The following DYM variants were observed in gnomAD, a reference collection of about 807,000 sequenced individuals.
DYM encodes dymeclin.
A neutral mutation model predicts 93.1 loss-of-function variants in DYM; 78 were observed. The ratio of observed to expected loss-of-function variants is 0.84; its 90% confidence interval spans 0.70 to 1.01. DYM has a LOEUF of 1.01. Ranked by LOEUF, DYM falls within the 50% of genes least tolerant of loss-of-function variation. DYM has a pLI of 0.00. For synonymous variants in DYM, 321 were observed against 319.7 expected (o/e 1.00, Z -0.04); for missense variants, 789 against 845.0 (o/e 0.93, Z 0.82).
At chr18:49,282,778 C>T (rs2095022673) in intron 9 of DYM, among the ~76,000 whole-genome samples, 1 of 152,132 alleles carries the variant, frequency 6.6e-6, no homozygotes, top group Non-Finnish European at 1.5e-5. Flanking sequence ...ATCAATACAA[C>T]TTAACCAGGA....
intron 15 of DYM, among the ~76,000 whole-genome samples, chr18:49,134,239 A>G (rs1487858790): frequency 6.6e-6 from 1 of 152,252 alleles, no homozygotes; most frequent in African/African-American, 2.4e-5. Context: ...ATTAGCCCCA[A>G]TGATCCAACT....
intron 13 of DYM, among the ~76,000 whole-genome samples, chr18:49,219,242 T>G (rs11661586): frequency 0.086 from 13,121 of 151,886 alleles, 712 homozygotes; most frequent in African/African-American, 0.16. Flanking sequence ...AATAACAGGA[T>G]CTGAAATTGT....
At chr18:49,194,058 G>C (rs1361425623) in intron 14 of DYM, among the ~76,000 whole-genome samples, 2 of 152,196 alleles carry the variant, frequency 1.3e-5, no homozygotes, top group Non-Finnish European at 2.9e-5. Flanking sequence ...AGGGCATGGA[G>C]TGGGTGGAAT....
chr18:49,278,274 G>A (rs112999297), intron 10 of DYM, among the ~76,000 whole-genome samples: 111 of 152,246 alleles, frequency 7.3e-4, no homozygotes, highest in African/African-American at 2.6e-3. Flanking sequence ...AGTTTCAAAT[G>A]AGTACGATAT....
intron 16 of DYM, among the ~76,000 whole-genome samples, chr18:49,117,887 G>C (rs955209216): frequency 6.6e-6 from 1 of 151,796 alleles, no homozygotes; most frequent in Non-Finnish European, 1.5e-5. Flanking sequence ...CAGAGATGGG[G>C]TTGGTTTCAC....
At chr18:49,233,419 A>AT (rs76439790) in intron 13 of DYM, among the ~76,000 whole-genome samples, 11,537 of 151,736 alleles carry the variant, frequency 0.076, 711 homozygotes, top group East Asian at 0.31. Flanking sequence ...AAAAGCATCC[A>AT]TTTTTTCAGT....
intron 13 of DYM, among the ~76,000 whole-genome samples, chr18:49,232,234 C>A (rs1449556726): frequency 6.6e-6 from 1 of 152,122 alleles, no homozygotes; most frequent in Non-Finnish European, 1.5e-5. Context: ...CACAATTTAT[C>A]ACTTTCTGTA....
chr18:49,317,636 A>ATCCTCTCCTCTCCTC (rs139998820), intron 8 of DYM, among the ~76,000 whole-genome samples: 47 of 39,088 alleles, frequency 1.2e-3, no homozygotes, highest in Non-Finnish European at 1.9e-3. Flanking sequence ...TCCCTCTCCT[A>ATCCTCTCCTCTCCTC]TCCTCTCCTC....
At chr18:49,143,741 C>A (rs2084785041) in intron 15 of DYM, among the ~76,000 whole-genome samples, 1 of 152,108 alleles carries the variant, frequency 6.6e-6, no homozygotes, top group Admixed American at 6.6e-5. Flanking sequence ...GCTGTATAAC[C>A]TCTGTAACTT....
At chr18:49,265,420 G>A (rs1662925065) in intron 11 of DYM, among the ~76,000 whole-genome samples, 1 of 152,214 alleles carries the variant, frequency 6.6e-6, no homozygotes, top group Admixed American at 6.5e-5. Context: ...AGGTGTGGGA[G>A]AGAAAATGAG....
At chr18:49,416,439 C>T (rs1010838261) in intron 2 of DYM, among the ~76,000 whole-genome samples, 4 of 152,210 alleles carry the variant, frequency 2.6e-5, no homozygotes, top group African/African-American at 9.6e-5. Flanking sequence ...TTTAGCAAAA[C>T]AATTCCTCTG....
chr18:49,199,750 A>G (rs1281851828), intron 14 of DYM, among the ~76,000 whole-genome samples: 1 of 152,232 alleles, frequency 6.6e-6, no homozygotes, highest in East Asian at 1.9e-4. Flanking sequence ...CCATTCCAGC[A>G]ATTTTTAAAA....
intron 16 of DYM, among the ~76,000 whole-genome samples, chr18:49,112,754 A>G (rs1186952235): frequency 1.3e-5 from 2 of 152,174 alleles, no homozygotes; most frequent in African/African-American, 4.8e-5. Flanking sequence ...ACAAATATGC[A>G]TACCCTGTAA....
chr18:49,119,236 A>G (rs558116031), intron 15 of DYM, among the ~76,000 whole-genome samples: 5 of 152,344 alleles, frequency 3.3e-5, no homozygotes, highest in African/African-American at 1.2e-4. Context: ...CCATATTGGT[A>G]TTCTCATTAT....
intron 13 of DYM, among the ~76,000 whole-genome samples, chr18:49,224,159 A>G (rs1159794201): frequency 6.6e-6 from 1 of 152,112 alleles, no homozygotes; most frequent in Admixed American, 6.6e-5. Flanking sequence ...GGGAGTGTCA[A>G]AATTGACTCT....
At chr18:49,436,808 A>T (rs2080898414) in intron 1 of DYM, among the ~76,000 whole-genome samples, 1 of 152,234 alleles carries the variant, frequency 6.6e-6, no homozygotes, top group African/African-American at 2.4e-5. Context: ...ATTAAAATTA[A>T]CAGGAAAAAA....
intron 1 of DYM, among the ~76,000 whole-genome samples, chr18:49,456,241 G>A (rs1600415770): frequency 1.3e-5 from 2 of 152,296 alleles, no homozygotes; most frequent in African/African-American, 4.8e-5. Context: ...CAGCAGAGCT[G>A]CCAAACCAGC....
chr18:49,253,726 G>T (rs1268839660), intron 13 of DYM, among the ~76,000 whole-genome samples: 1 of 152,132 alleles, frequency 6.6e-6, no homozygotes, highest in Admixed American at 6.5e-5. Flanking sequence ...CCCTCAGTGC[G>T]ACAAACAGAC....
At chr18:49,068,907 T>A (rs1231555178) in intron 17 of DYM, among the ~76,000 whole-genome samples, 3 of 152,240 alleles carry the variant, frequency 2.0e-5, no homozygotes, top group Non-Finnish European at 4.4e-5. Context: ...ATGGAATTGA[T>A]GTTTTTTCAT....
Sources: gnomAD v4.1 joint callset for allele counts (sites outside exome capture counted in the v4.1 genomes callset) on GRCh38, gnomAD v4.1.1 for gene constraint, MANE v1.5 for transcripts, NCBI Gene and HGNC (gene_info 2026-07-23, HGNC 2026-07-21) for gene names.